Variants in CACNG2 observed in about 807,000 individuals in gnomAD.
The protein encoded by CACNG2 is voltage-dependent calcium channel gamma-2 subunit.
A neutral mutation model predicts 25.9 loss-of-function variants in CACNG2; 3 were observed. The observed-to-expected ratio is 0.12, with a 90% CI of 0.05 to 0.30. The LOEUF (loss-of-function observed/expected upper bound fraction) is 0.30, where lower values mean the gene tolerates loss of function less well. Ranked by LOEUF, CACNG2 falls within the 10% of genes least tolerant of loss-of-function variation. The pLI, the probability that CACNG2 is intolerant of heterozygous loss-of-function variation, is 1.00. For synonymous variants in CACNG2, 167 were observed against 173.3 expected (o/e 0.96, Z 0.29); for missense variants, 341 against 432.5 (o/e 0.79, Z 1.88).
chr22:36,570,555 T>C (rs1338670852), intron 2 of CACNG2, among the ~76,000 whole-genome samples: 2 of 151,276 alleles, frequency 1.3e-5, no homozygotes, highest in Non-Finnish European at 2.9e-5. Flanking sequence ...AGGTCAGGAG[T>C]TCGAGACCAG....
chr22:36,567,999 A>G (rs1329154796), intron 2 of CACNG2, among the ~76,000 whole-genome samples: 1 of 151,608 alleles, frequency 6.6e-6, no homozygotes, highest in Non-Finnish European at 1.5e-5. Flanking sequence ...ACAGGCGTGT[A>G]CCACCATGCT....
At chr22:36,643,702 C>G (rs142405684) in intron 1 of CACNG2, among the ~76,000 whole-genome samples, 172 of 152,320 alleles carry the variant, frequency 1.1e-3, no homozygotes, top group African/African-American at 3.8e-3. Flanking sequence ...AGCTCCCTGA[C>G]AGCCAAAGCA....
intron 2 of CACNG2, among the ~76,000 whole-genome samples, chr22:36,586,845 C>T (rs1478416275): frequency 6.6e-6 from 1 of 152,150 alleles, no homozygotes; most frequent in Admixed American, 6.5e-5. Flanking sequence ...TTCCTTGGAG[C>T]CTCAGAATGC....
At chr22:36,585,878 T>C (rs1432727132) in intron 2 of CACNG2, among the ~76,000 whole-genome samples, 4 of 152,250 alleles carry the variant, frequency 2.6e-5, no homozygotes, top group Non-Finnish European at 4.4e-5. Flanking sequence ...TGTTAGGAAT[T>C]GCTACTGAAG....
chr22:36,668,194 C>T (rs1007063602), intron 1 of CACNG2, among the ~76,000 whole-genome samples: 5 of 152,234 alleles, frequency 3.3e-5, no homozygotes, highest in Admixed American at 6.5e-5. Flanking sequence ...TCCTGGCTGT[C>T]AGTCCTCACC....
chr22:36,699,715 C>A lies in CACNG2; in HGVS notation c.211+2651G>T, dbSNP rs868062119. ...ACAAAAGAAACACAAGTTGGGGGAACCTCAAGCACTGACAACTTGATCTCC... is the reference window on the plus strand; with the variant it reads ...ACAAAAGAAACACAAGTTGGGGGAAACTCAAGCACTGACAACTTGATCTCC... On this transcript the variant is annotated intron_variant, in intron 1 of 3. Transcript: ENST00000300105. Among the ~76,000 whole-genome samples the A allele has an allele frequency of 2.0e-5, 3 of 152,204 alleles. No homozygotes were observed. The South Asian group carries it at 6.2e-4, about 32-fold the overall frequency.
intron 1 of CACNG2, among the ~76,000 whole-genome samples, chr22:36,611,944 T>A (rs1935948567): frequency 6.6e-6 from 1 of 152,230 alleles, no homozygotes; most frequent in Non-Finnish European, 1.5e-5. Context: ...GTGGATACCC[T>A]GAGCCTCCTC....
chr22:36,635,894 G>A (rs538491411), intron 1 of CACNG2, among the ~76,000 whole-genome samples: 12 of 152,220 alleles, frequency 7.9e-5, no homozygotes, highest in Middle Eastern at 3.4e-3. Context: ...CATCCAATCC[G>A]TTAGGTCCTA....
At chr22:36,647,741 C>T (rs1936548772) in intron 1 of CACNG2, among the ~76,000 whole-genome samples, 1 of 152,234 alleles carries the variant, frequency 6.6e-6, no homozygotes, top group Admixed American at 6.5e-5. Flanking sequence ...AATGCTCTTT[C>T]CTTGCTCCCC....
chr22:36,671,263 T>C (rs1936945451), intron 1 of CACNG2, among the ~76,000 whole-genome samples: 1 of 152,196 alleles, frequency 6.6e-6, no homozygotes, highest in Non-Finnish European at 1.5e-5. Flanking sequence ...TAGAAAGAAA[T>C]GCTTTAACCT....
chr22:36,591,853 C>T (rs1367835882), intron 1 of CACNG2, among the ~76,000 whole-genome samples: 1 of 151,660 alleles, frequency 6.6e-6, no homozygotes, highest in Admixed American at 6.6e-5. Context: ...GATGGGCAGA[C>T]ATGGTGGGAG....
intron 1 of CACNG2, among the ~76,000 whole-genome samples, chr22:36,624,608 GC>G (rs900859133): frequency 7.9e-5 from 12 of 151,894 alleles, no homozygotes; most frequent in Non-Finnish European, 1.6e-4. Context: ...CATCTTGCTG[GC>G]CCCCCTCCAA....
At chr22:36,583,725 C>G (rs1402121989) in intron 2 of CACNG2, among the ~76,000 whole-genome samples, 2 of 152,216 alleles carry the variant, frequency 1.3e-5, no homozygotes, top group Non-Finnish European at 2.9e-5. Context: ...TGGTTGCCCC[C>G]TCTCCCCCAT....
At chr22:36,588,775 T>C (rs916828036) in intron 1 of CACNG2, among the ~76,000 whole-genome samples, 2 of 152,154 alleles carry the variant, frequency 1.3e-5, no homozygotes, top group Non-Finnish European at 2.9e-5. Flanking sequence ...ATTTAGGAAG[T>C]CCTTGGGGGC....
Position 36,606,900 on chromosome 22 carries a change from G to A in CACNG2, c.212-19352C>T, listed in dbSNP as rs988665998. On this transcript the variant is annotated intron_variant, in intron 1 of 3. Coordinates refer to ENST00000300105, the MANE Select transcript of CACNG2 (RefSeq NM_006078.5). The surrounding 1 kb of genome is among the most constrained non-coding windows in gnomAD (Gnocchi z 5.7). ...GTGTGAGTCTGTGTGTGTGTCTGTGGTGTGTGTATGCATGTGTGTGTATAT... is the reference window on the plus strand; with the variant it reads ...GTGTGAGTCTGTGTGTGTGTCTGTGATGTGTGTATGCATGTGTGTGTATAT... 6.6e-6 allele frequency among the ~76,000 whole-genome samples: 1 copy of A among 151,392 alleles called. No individual in the cohort carries two copies. The highest frequency in any genetic ancestry group is 1.5e-5 in the Non-Finnish European group (1 of 67,780).
chr22:36,680,393 C>CAT, intron 1 of CACNG2, among the ~76,000 whole-genome samples: 1 of 148,188 alleles, frequency 6.7e-6, no homozygotes, highest in East Asian at 2.1e-4. Context: ...ACCATCACTG[C>CAT]CACCATCACT....
At chr22:36,614,885 C>T (rs1936000874) in intron 1 of CACNG2, among the ~76,000 whole-genome samples, 1 of 152,196 alleles carries the variant, frequency 6.6e-6, no homozygotes, top group Admixed American at 6.5e-5. Flanking sequence ...ACTTACTGCA[C>T]ATGGAGAAAG....
intron 1 of CACNG2, among the ~76,000 whole-genome samples, chr22:36,620,847 T>A (rs1158070709): frequency 2.6e-5 from 4 of 152,208 alleles, no homozygotes; most frequent in African/African-American, 9.6e-5. Flanking sequence ...AAAGAATAAG[T>A]ATTTACTATT....
chr22:36,634,703 A>T (rs545084868), intron 1 of CACNG2, among the ~76,000 whole-genome samples: 1 of 152,336 alleles, frequency 6.6e-6, no homozygotes, highest in South Asian at 2.1e-4. Context: ...TGCAATAATC[A>T]TTACACATAG....
Sources: allele counts gnomAD v4.1 joint callset (sites outside exome capture counted in the v4.1 genomes callset), GRCh38; gene constraint gnomAD v4.1.1; non-coding constraint Gnocchi (gnomAD v3.1); transcripts MANE v1.5; gene names NCBI Gene and HGNC (gene_info 2026-07-23, HGNC 2026-07-21).